TENM2: variants seen among roughly 807,000 people sequenced by gnomAD.
TENM2 encodes teneurin-2.
TENM2 carries 52 observed loss-of-function variants against 245.2 expected under a neutral mutation model. That is an observed-to-expected ratio of 0.21 (90% CI 0.17 to 0.27). The LOEUF (loss-of-function observed/expected upper bound fraction) is 0.27, where lower values mean the gene tolerates loss of function less well. Among genes scored for constraint, TENM2 ranks in the 10% least tolerant of loss-of-function variants. TENM2 has a pLI of 1.00. For synonymous variants in TENM2, 1,363 were observed against 1,438.9 expected (o/e 0.95, Z 1.19); for missense variants, 3,046 against 3,666.8 (o/e 0.83, Z 4.37).
At chr5:168,069,679 T>C (rs1422832608) in intron 7 of TENM2, among the ~76,000 whole-genome samples, 1 of 152,188 alleles carries the variant, frequency 6.6e-6, no homozygotes, top group Non-Finnish European at 1.5e-5. Flanking sequence ...GGTTATGGGC[T>C]CAAAGCTGGG....
At chr5:168,166,847 G>C (rs981651224) in intron 13 of TENM2, among the ~76,000 whole-genome samples, 11 of 152,104 alleles carry the variant, frequency 7.2e-5, no homozygotes, top group Non-Finnish European at 1.3e-4. Context: ...GTTGGAGAAG[G>C]CTGCCTTAGA....
At chr5:168,241,038 G>T (rs968788293) in intron 25 of TENM2, 3 of 152,078 alleles carry the variant, frequency 2.0e-5, no homozygotes, top group African/African-American at 7.2e-5. Flanking sequence ...GAAAATGATG[G>T]CTCCAATCCC....
At chr5:167,237,367 A>G in the TENM2 span, among the ~76,000 whole-genome samples, 2 of 152,166 alleles carry the variant, frequency 1.3e-5, no homozygotes, top group African/African-American at 4.8e-5. Context: ...ACTTGTTGAC[A>G]CCTGTGGAAT....
chr5:167,136,972 A>C, the TENM2 span, among the ~76,000 whole-genome samples: 1 of 152,232 alleles, frequency 6.6e-6, no homozygotes, highest in African/African-American at 2.4e-5. Flanking sequence ...GAGGCTGGGA[A>C]GTCCAAGAAC....
intron 1 of TENM2, among the ~76,000 whole-genome samples, chr5:167,321,096 G>C (rs879356744): frequency 1.3e-5 from 2 of 151,898 alleles, no homozygotes; most frequent in Non-Finnish European, 2.9e-5. Context: ...TTACAAGAAG[G>C]GACTAGAAAA....
the TENM2 span, among the ~76,000 whole-genome samples, chr5:167,009,891 C>T: frequency 6.6e-6 from 1 of 152,138 alleles, no homozygotes; most frequent in Non-Finnish European, 1.5e-5. Context: ...GAATTGGGAA[C>T]ATTTTTCTTA....
intron 2 of TENM2, among the ~76,000 whole-genome samples, chr5:167,547,742 C>T (rs1414262422): frequency 1.3e-5 from 2 of 152,172 alleles, no homozygotes; most frequent in Non-Finnish European, 2.9e-5. Flanking sequence ...TCCCTAAGAA[C>T]TGAAGATGTC....
chr5:167,639,054 T>A (rs1779393862), intron 2 of TENM2, among the ~76,000 whole-genome samples: 1 of 152,206 alleles, frequency 6.6e-6, no homozygotes, highest in African/African-American at 2.4e-5. Context: ...GCAAACAGAT[T>A]TATTCGGTAA....
In TENM2 at chr5:168,218,666, A is replaced by C; in HGVS notation, c.4775A>C (p.Glu1592Ala). Reference sequence around the variant, plus strand: ...GAGGCTGCATCCCCCGGAGAGCAGGAGTTATATGTTTTCAACGCTGATGGC... The same window carrying C: ...GAGGCTGCATCCCCCGGAGAGCAGGCGTTATATGTTTTCAACGCTGATGGC... The change falls in exon 23 of 29, where the codon GAG (glutamate) becomes GCG (alanine). Residue 1592 changes from glutamate to alanine, a missense_variant. By Grantham distance (107) the Glu-to-Ala change is moderately radical. Around this residue, in one of 2 missense-constraint regions of TENM2, gnomAD observed 2,704 missense variants for 3,331.9 expected, o/e 0.81. Transcript: ENST00000518659. The surrounding 1 kb of genome is among the most constrained non-coding windows in gnomAD (Gnocchi z 5.2). The C allele has an allele frequency of 6.2e-7, 1 of 1,613,978 alleles. No individual in the cohort carries two copies. Among genetic ancestry groups the C allele is most frequent in the Non-Finnish European group, 8.5e-7 (1 of 1,179,888 alleles).
intron 3 of TENM2, among the ~76,000 whole-genome samples, chr5:167,892,225 A>G (rs1207709638): frequency 6.6e-6 from 1 of 152,202 alleles, no homozygotes; most frequent in Non-Finnish European, 1.5e-5. Flanking sequence ...TGAAAAAATT[A>G]TTTTCCAGAA....
At chr5:167,045,559 T>A in the TENM2 span, among the ~76,000 whole-genome samples, 1 of 152,198 alleles carries the variant, frequency 6.6e-6, no homozygotes, top group East Asian at 1.9e-4. Flanking sequence ...GCTAGTCCTG[T>A]GATGGCTATT....
chr5:167,203,707 T>C, the TENM2 span, among the ~76,000 whole-genome samples: 3 of 152,198 alleles, frequency 2.0e-5, no homozygotes, highest in Non-Finnish European at 4.4e-5. Flanking sequence ...GATAGGACTG[T>C]AGCAAAATGT....
At chr5:167,625,140 T>C (rs1340480619) in intron 2 of TENM2, among the ~76,000 whole-genome samples, 1 of 152,144 alleles carries the variant, frequency 6.6e-6, no homozygotes, top group Non-Finnish European at 1.5e-5. Context: ...CTTTGAGGGC[T>C]CATCATCATC....
intron 3 of TENM2, among the ~76,000 whole-genome samples, chr5:167,927,179 T>C (rs559799700): frequency 1.3e-5 from 2 of 152,172 alleles, no homozygotes; most frequent in African/African-American, 4.8e-5. Flanking sequence ...TGTTTTGATT[T>C]CCCCCACAGA....
rs144499688 is a variant in TENM2, at chr5:168,007,149, C to T, written c.1186+13967C>T. ...TTTTCTTTCTTTTTTTTTTTTGAGA[C>T]GTAGTCTCACTCTGTCACCCAGGCT... On this transcript the variant is annotated intron_variant, in intron 5 of 28. Coordinates refer to ENST00000518659, the Ensembl canonical transcript of TENM2. Among the ~76,000 whole-genome samples, 1,331 of 149,620 alleles carry T rather than the reference C, an allele frequency of 8.9e-3. 22 individuals carry two copies. Among genetic ancestry groups the T allele is most frequent in the Middle Eastern group, 0.041 (12 of 292 alleles).
At chr5:167,258,215 G>GTGTATATATATATATA in the TENM2 span, among the ~76,000 whole-genome samples, 444 of 122,770 alleles carry the variant, frequency 3.6e-3, 5 homozygotes, top group African/African-American at 0.013. Flanking sequence ...ATATATATAT[G>GTGTATATATATATATA]TATATATATA....
chr5:168,153,102 C>G (rs923687579), intron 12 of TENM2, among the ~76,000 whole-genome samples: 1 of 152,076 alleles, frequency 6.6e-6, no homozygotes, highest in African/African-American at 2.4e-5. Context: ...AGGAAAACAG[C>G]CATGAACAAC....
At chr5:167,582,688 C>A (rs1480989563) in intron 2 of TENM2, among the ~76,000 whole-genome samples, 1 of 152,152 alleles carries the variant, frequency 6.6e-6, no homozygotes, top group Admixed American at 6.5e-5. Context: ...CGAACCTTTA[C>A]AGAAACCAAG....
At chr5:167,276,352 TTGTGTGTGTGTGTG>T in the TENM2 span, among the ~76,000 whole-genome samples, 1 of 34,196 alleles carries the variant, frequency 2.9e-5, no homozygotes, top group East Asian at 5.6e-4. Context: ...CCTGTTCATT[TTGTGTGTGTGTGTG>T]TGTGTGTGTG....
Sources: allele counts gnomAD v4.1 joint callset (sites outside exome capture counted in the v4.1 genomes callset), GRCh38; gene constraint gnomAD v4.1.1; regional missense constraint gnomAD v4.1.1; non-coding constraint Gnocchi (gnomAD v3.1); transcripts MANE v1.5; gene names NCBI Gene and HGNC (gene_info 2026-07-23, HGNC 2026-07-21).